Variants in SHE observed in about 807,000 individuals in gnomAD.
SHE encodes SH2 domain-containing adapter protein E.
SHE carries 11 observed loss-of-function variants against 49.8 expected under a neutral mutation model. That is an observed-to-expected ratio of 0.22 (90% CI 0.14 to 0.37). The LOEUF is 0.37. SHE is among the 10% of genes least tolerant of loss of function. The pLI, the probability that SHE is intolerant of heterozygous loss-of-function variation, is 1.00. For synonymous variants in SHE, 310 were observed against 278.1 expected (o/e 1.11, Z -1.14); for missense variants, 624 against 655.5 (o/e 0.95, Z 0.52).
chr1:154,489,460 CTG>C, intron 2 of SHE, 104 bp from the exon 3 acceptor site: 1 of 1,361,274 alleles, frequency 7.3e-7, no homozygotes. Flanking sequence ...CTCAGCACCT[CTG>C]TCTGTCTGGG....
chr1:154,480,935 T>C lies in SHE; in HGVS notation c.*3214A>G. The stretch of plus-strand genomic sequence containing the variant: ...AGTATTTTTTTTAAAGAAGGTGTGA[T>C]CAAGAAGAACACTGACACAGCTCTA... On this transcript the variant is annotated 3_prime_UTR_variant, in exon 6 of 6. Coordinates refer to ENST00000304760, the MANE Select transcript of SHE (RefSeq NM_001010846.3). 1 of 985,300 alleles carries C rather than the reference T, an allele frequency of 1.0e-6. No homozygotes were observed. Among genetic ancestry groups the C allele is most frequent in the Non-Finnish European group, 1.2e-6 (1 of 829,906 alleles). 61.0% of individuals were successfully genotyped at this position (985,300 alleles called of 1,614,324 possible).
chr1:154,491,229 C>T (rs1379396240), intron 2 of SHE, among the ~76,000 whole-genome samples: 1 of 152,144 alleles, frequency 6.6e-6, no homozygotes, highest in Admixed American at 6.5e-5. Context: ...TCATAAGCTC[C>T]CGACTGTTTA....
intron 2 of SHE, among the ~76,000 whole-genome samples, chr1:154,491,941 A>C (rs753282497): frequency 2.0e-5 from 3 of 152,122 alleles, no homozygotes; most frequent in Admixed American, 6.6e-5. Context: ...TCAGGTGAGG[A>C]GGAAGAGGCT....
At chr1:154,489,394 T>C (rs1326733761) in intron 2 of SHE, 38 bp from the exon 3 acceptor site, 1 of 1,586,038 alleles carries the variant, frequency 6.3e-7, no homozygotes, top group Admixed American at 1.8e-5. Context: ...ACACACACCA[T>C]ACACAATGTC....
At chr1:154,495,355 G>A (rs564512237) in intron 2 of SHE, among the ~76,000 whole-genome samples, 2 of 152,176 alleles carry the variant, frequency 1.3e-5, no homozygotes, top group African/African-American at 2.4e-5. Context: ...AGCAACAGAG[G>A]TTTATATTAA....
Position 154,479,851 on chromosome 1 carries a change from G to C in SHE, c.*4298C>G. On this transcript the variant is annotated 3_prime_UTR_variant, in exon 6 of 6. Coordinates refer to ENST00000304760, the MANE Select transcript of SHE (RefSeq NM_001010846.3). ...GGACCTTGTGATGATAGTTGTATTA[G>C]ACTTCAAAACACCCTTTCCGCAGGA... 2.0e-6 allele frequency: 2 copies of C among 985,418 alleles called. No individual in the cohort carries two copies. Among genetic ancestry groups the C allele is most frequent in the Non-Finnish European group, 2.4e-6 (2 of 829,918 alleles). 61.0% of individuals were successfully genotyped at this position (985,418 alleles called of 1,614,324 possible).
At chr1:154,494,534 T>G (rs143076500) in intron 2 of SHE, among the ~76,000 whole-genome samples, 2,362 of 151,314 alleles carry the variant, frequency 0.016, 55 homozygotes, top group African/African-American at 0.054. Context: ...ATAGTTTTTT[T>G]TTTTTTTTTT....
chr1:154,473,945 A>G (rs556151488), intron 1 of SHE, among the ~76,000 whole-genome samples: 9 of 152,330 alleles, frequency 5.9e-5, no homozygotes, highest in African/African-American at 2.2e-4. Flanking sequence ...TGAGGCTTAT[A>G]TTGAAGATGG....
At chr1:154,493,745 A>G (rs576938348) in intron 2 of SHE, among the ~76,000 whole-genome samples, 1 of 152,376 alleles carries the variant, frequency 6.6e-6, no homozygotes, top group African/African-American at 2.4e-5. Context: ...AACTGTAGTT[A>G]GCAATAAGTA....
At position 154,481,681 on chromosome 1, in the gene SHE, A is replaced by T; in HGVS notation, c.*2468T>A. 1 of 970,514 alleles carries T rather than the reference A, an allele frequency of 1.0e-6. No individual in the cohort carries two copies. Among genetic ancestry groups the T allele is most frequent in the Non-Finnish European group, 1.2e-6 (1 of 816,338 alleles). The allele number at this position is 970,514 out of a possible 1,614,324, so 60.1% of individuals were successfully genotyped here. On this transcript the variant is annotated 3_prime_UTR_variant, in exon 6 of 6. Coordinates refer to ENST00000304760, the MANE Select transcript of SHE (RefSeq NM_001010846.3). The stretch of plus-strand genomic sequence containing the variant: ...AAAAACGTTTCATTTCTAGAATGTT[A>T]AACTAAAAATAAGTTTAACACAATG...
Position 154,500,585 on chromosome 1 carries a change from T to C in SHE, c.591+851A>G, listed in dbSNP as rs371325216. Among the ~76,000 whole-genome samples the C allele has an allele frequency of 2.0e-4, 30 of 152,240 alleles. No homozygotes were observed. The East Asian group carries it at 4.8e-3, about 24-fold the overall frequency. On this transcript the variant is annotated intron_variant, in intron 1 of 5. Transcript: ENST00000304760. ...CCTGGACCGGAGTCTGAAATCTCGA[T>C]TTGAGCTCTTCTCTCTCCCCCTTTC...
At chr1:154,486,753 C>T (rs746617977) in intron 3 of SHE, 70 bp from the exon 4 acceptor site, 553 of 1,555,212 alleles carry the variant, frequency 3.6e-4, no homozygotes, top group Non-Finnish European at 4.4e-4. Context: ...AGGGAAAAAA[C>T]CTCCTTGCCT....
chr1:154,483,763 G>T lies in SHE; in HGVS notation c.*386C>A. On this transcript the variant is annotated 3_prime_UTR_variant, in exon 6 of 6. Transcript: ENST00000304760. ...TCCAGGCACTCGGGGAGACTGAGGT[G>T]GGTGGATCATTTGAGGTCAGGAGTT... The T allele has an allele frequency of 1.0e-6, 1 of 1,001,616 alleles. No homozygotes were observed. Among genetic ancestry groups the T allele is most frequent in the Non-Finnish European group, 1.2e-6 (1 of 835,626 alleles). The allele number at this position is 1,001,616 out of a possible 1,614,324, so 62.0% of individuals were successfully genotyped here.
intron 2 of SHE, among the ~76,000 whole-genome samples, chr1:154,496,727 T>C (rs1692542858): frequency 6.6e-6 from 1 of 151,582 alleles, no homozygotes; most frequent in Non-Finnish European, 1.5e-5. Flanking sequence ...TCCCCTAGCT[T>C]ATAGAGCTCT....
intron 3 of SHE, among the ~76,000 whole-genome samples, 168 bp downstream of exon 3, chr1:154,488,883 C>A (rs1444919319): frequency 6.6e-6 from 1 of 152,212 alleles, no homozygotes; most frequent in Non-Finnish European, 1.5e-5. Context: ...CCGTGCCCAG[C>A]CAGGTGGTCA....
At position 154,489,359 on chromosome 1, in the gene SHE, G is replaced by A; in HGVS notation, c.719-3C>T. ...TTTGGAACCCCGTCGTCTAATTTCT[G>A]AAAAACACACACCATTTCTGAAAAA... is the stretch of plus-strand genomic sequence containing the variant. On this transcript the variant is annotated splice_region_variant and splice_polypyrimidine_tract_variant and intron_variant, in intron 2 of 5. Transcript: ENST00000304760. 6.2e-7 allele frequency: 1 copy of A among 1,608,988 alleles called. No homozygotes were observed. The highest frequency in any genetic ancestry group is 8.5e-7 in the Non-Finnish European group (1 of 1,177,792).
chr1:154,488,361 C>G (rs1347342145), intron 3 of SHE, among the ~76,000 whole-genome samples: 1 of 151,812 alleles, frequency 6.6e-6, no homozygotes, highest in South Asian at 2.1e-4. Flanking sequence ...CAGGTTCAAG[C>G]TATTCTTCTG....
At chr1:154,470,411 A>C in intron 1 of SHE, 1 of 1,288,244 alleles carries the variant, frequency 7.8e-7, no homozygotes. Context: ...GCCTTCTAAG[A>C]AAGCATTTTC....
At chr1:154,475,366 T>C (rs1005392134), downstream of SHE, among the ~76,000 whole-genome samples, 1 of 152,120 alleles carries the variant, frequency 6.6e-6, no homozygotes, top group South Asian at 2.1e-4. Flanking sequence ...TTGTATTTTT[T>C]AGTAGAGACA....
Sources: gnomAD v4.1 joint callset for allele counts (sites outside exome capture counted in the v4.1 genomes callset) on GRCh38, gnomAD v4.1.1 for gene constraint, MANE v1.5 for transcripts, NCBI Gene and HGNC (gene_info 2026-07-23, HGNC 2026-07-21) for gene names.